The following CDYL2 variants were observed in gnomAD, a reference collection of about 807,000 sequenced individuals.
The protein encoded by CDYL2 is chromodomain Y like 2, also known as chromodomain Y-like protein 2.
In CDYL2, 23 loss-of-function variants were observed where a neutral mutation model predicts 49.4. The observed-to-expected ratio is 0.47, with a 90% CI of 0.34 to 0.66. The LOEUF is 0.66. Among genes scored for constraint, CDYL2 ranks in the 30% least tolerant of loss-of-function variants. The pLI is 0.01. For synonymous variants in CDYL2, 360 were observed against 268.8 expected (o/e 1.34, Z -3.32); for missense variants, 678 against 656.4 (o/e 1.03, Z -0.36).
At chr16:80,667,504 A>T (rs1397022503) in intron 2 of CDYL2, among the ~76,000 whole-genome samples, 1 of 152,068 alleles carries the variant, frequency 6.6e-6, no homozygotes, top group Non-Finnish European at 1.5e-5. Flanking sequence ...TCCTTCCCCT[A>T]AGCTGGCTTC....
At position 80,705,071 on chromosome 16, in the gene CDYL2, G is replaced by A. The variant is rs868629722; in HGVS notation, c.25-19942C>T. Among the ~76,000 whole-genome samples, 6 of 152,182 alleles carry A rather than the reference G, an allele frequency of 3.9e-5. No individual in the cohort carries two copies. In the East Asian group the frequency reaches 9.6e-4, roughly 24 times the overall value. On this transcript the variant is annotated intron_variant, in intron 1 of 6. Coordinates refer to ENST00000570137, the MANE Select transcript of CDYL2 (RefSeq NM_152342.4). ...CATCCCAACAGCTCACCAGTGCTTC[G>A]TCTACGCTGACTTCAGGAAATCCTT...
intron 3 of CDYL2, among the ~76,000 whole-genome samples, chr16:80,626,640 C>G (rs961490091): frequency 1.3e-5 from 2 of 152,148 alleles, no homozygotes; most frequent in African/African-American, 2.4e-5. Context: ...TGATAGAAAA[C>G]AAGGCATGGC....
intron 2 of CDYL2, among the ~76,000 whole-genome samples, chr16:80,678,703 G>A (rs1215573568): frequency 6.7e-6 from 1 of 149,898 alleles, no homozygotes. Context: ...AGTCAGTGTG[G>A]CGATTCCTCA....
At chr16:80,623,939 C>T (rs1285678227) in intron 3 of CDYL2, among the ~76,000 whole-genome samples, 3 of 152,176 alleles carry the variant, frequency 2.0e-5, no homozygotes, top group Non-Finnish European at 4.4e-5. Context: ...CCCTCCCAGA[C>T]TGTGGATTTT....
At chr16:80,699,016 T>G (rs911040419) in intron 1 of CDYL2, among the ~76,000 whole-genome samples, 3 of 151,980 alleles carry the variant, frequency 2.0e-5, no homozygotes, top group Non-Finnish European at 2.9e-5. Flanking sequence ...AACTAACAAA[T>G]GCTGGCAAGG....
At chr16:80,656,092 C>T (rs576488874) in intron 2 of CDYL2, among the ~76,000 whole-genome samples, 11 of 152,330 alleles carry the variant, frequency 7.2e-5, no homozygotes, top group Non-Finnish European at 1.2e-4. Context: ...GAGATTCAAT[C>T]TTACTTAGTA....
intron 1 of CDYL2, among the ~76,000 whole-genome samples, chr16:80,729,627 G>C (rs969509305): frequency 1.1e-4 from 17 of 152,044 alleles, no homozygotes; most frequent in Admixed American, 7.9e-4. Context: ...GAAATCTCCA[G>C]CCCAAATCAA....
chr16:80,773,201 A>G (rs545051449), intron 1 of CDYL2, among the ~76,000 whole-genome samples: 50 of 152,334 alleles, frequency 3.3e-4, no homozygotes, highest in Middle Eastern at 6.8e-3. Context: ...AACTAGAGTT[A>G]GAAAGTGGAA....
chr16:80,605,213 T>C (rs1023423171), intron 6 of CDYL2, among the ~76,000 whole-genome samples: 1 of 151,624 alleles, frequency 6.6e-6, no homozygotes, highest in Admixed American at 6.6e-5. Flanking sequence ...TAAATGATCA[T>C]AAATGATCTA....
At chr16:80,746,692 T>C (rs555649259) in intron 1 of CDYL2, among the ~76,000 whole-genome samples, 1 of 152,018 alleles carries the variant, frequency 6.6e-6, no homozygotes, top group Non-Finnish European at 1.5e-5. Context: ...AAGGCCCCCT[T>C]TTGCAGGTGT....
chr16:80,737,859 C>T (rs935915855), intron 1 of CDYL2, among the ~76,000 whole-genome samples: 1 of 152,094 alleles, frequency 6.6e-6, no homozygotes, highest in African/African-American at 2.4e-5. Flanking sequence ...CATTTAGGGA[C>T]TGGTTGTTGT....
At chr16:80,648,973 G>A (rs1032699938) in intron 2 of CDYL2, among the ~76,000 whole-genome samples, 4 of 151,896 alleles carry the variant, frequency 2.6e-5, no homozygotes, top group African/African-American at 9.7e-5. Context: ...CTAAAAAACT[G>A]GTATAGAAGG....
chr16:80,644,664 C>A (rs971385072), intron 2 of CDYL2, among the ~76,000 whole-genome samples: 1 of 152,156 alleles, frequency 6.6e-6, no homozygotes, highest in Non-Finnish European at 1.5e-5. Context: ...CATCAGATCT[C>A]GTGATACTTA....
chr16:80,765,737 A>G (rs1597122799), intron 1 of CDYL2, among the ~76,000 whole-genome samples: 1 of 149,918 alleles, frequency 6.7e-6, no homozygotes, highest in South Asian at 2.1e-4. Context: ...GCAAAAAAAA[A>G]AAAAAAAAAA....
At chr16:80,768,530 A>G (rs754189487) in intron 1 of CDYL2, among the ~76,000 whole-genome samples, 6 of 152,194 alleles carry the variant, frequency 3.9e-5, no homozygotes, top group Non-Finnish European at 8.8e-5. Flanking sequence ...CTTTCCTCCC[A>G]AACAGTGCTT....
chr16:80,632,136 T>C (rs920294530), intron 3 of CDYL2, among the ~76,000 whole-genome samples: 1 of 152,038 alleles, frequency 6.6e-6, no homozygotes, highest in African/African-American at 2.4e-5. Context: ...AGAAATATTA[T>C]CCATAAAAAT....
At position 80,644,425 on chromosome 16, in the gene CDYL2, T is replaced by G. The variant is rs149964305; in HGVS notation, c.617-11189A>C. 6.4e-4 allele frequency among the ~76,000 whole-genome samples: 98 copies of G among 152,334 alleles called. 1 individual carries two copies. In the East Asian group the frequency reaches 0.018, roughly 28 times the overall value. ...CCTGTTACCCAGTTCCAAAGTCACT[T>G]CCACATTTTTGGGTACCTTTTCAGC... On this transcript the variant is annotated intron_variant, in intron 2 of 6. Transcript: ENST00000570137.
rs183661456 is a variant in CDYL2 at position 80,749,741 on chromosome 16, T to A, written c.24+54409A>T. On this transcript the variant is annotated intron_variant, in intron 1 of 6. Coordinates refer to ENST00000570137, the MANE Select transcript of CDYL2 (RefSeq NM_152342.4). ...ATATGAAAATTTTTTTAAAAAAATT[T>A]AAAAAAAAGCATACATGTGCATGTG... Among the ~76,000 whole-genome samples, 364 of 151,854 alleles carry A rather than the reference T, an allele frequency of 2.4e-3. 2 individuals carry two copies. Among genetic ancestry groups the A allele is most frequent in the African/African-American group, 8.4e-3 (348 of 41,376 alleles).
intron 1 of CDYL2, among the ~76,000 whole-genome samples, chr16:80,717,011 T>A (rs1221085226): frequency 6.6e-6 from 1 of 150,462 alleles, no homozygotes; most frequent in Non-Finnish European, 1.5e-5. Flanking sequence ...AATTGATGGA[T>A]GGATGGATGG....
Sources: allele counts gnomAD v4.1 joint callset (sites outside exome capture counted in the v4.1 genomes callset), GRCh38; gene constraint gnomAD v4.1.1; transcripts MANE v1.5; gene names NCBI Gene and HGNC (gene_info 2026-07-23, HGNC 2026-07-21).